CFH: variants seen among roughly 807,000 people sequenced by gnomAD.
CFH encodes H factor 1 (complement).
CFH carries 53 observed loss-of-function variants against 147.3 expected under a neutral mutation model. That is an observed-to-expected ratio of 0.36 (90% CI 0.29 to 0.45). The LOEUF (loss-of-function observed/expected upper bound fraction) is 0.45, where lower values mean the gene tolerates loss of function less well. Ranked by LOEUF, CFH falls within the 20% of genes least tolerant of loss-of-function variation. The pLI, the probability that CFH is intolerant of heterozygous loss-of-function variation, is 1.00. For missense variants in CFH, 1,380 were observed against 1,498.0 expected, an observed-to-expected ratio of 0.92 and a Z score of 1.30; for synonymous variants, 536 against 489.4, an observed-to-expected ratio of 1.10 and a Z score of -1.26.
At chr1:196,703,135 G>C (rs1668502392) in intron 9 of CFH, among the ~76,000 whole-genome samples, 1 of 152,260 alleles carries the variant, frequency 6.6e-6, no homozygotes, top group South Asian at 2.1e-4. Flanking sequence ...TAAAACACAA[G>C]GAATAATGAA....
chr1:196,726,399 T>C, intron 12 of CFH, 71 bp from the exon 13 acceptor site: 4 of 1,190,882 alleles, frequency 3.4e-6, no homozygotes, highest in Non-Finnish European at 4.9e-6. Context: ...AGAAAATCTT[T>C]CCATTTTACT....
chr1:196,722,524 C>T (rs888320044), intron 11 of CFH, among the ~76,000 whole-genome samples: 4 of 151,952 alleles, frequency 2.6e-5, no homozygotes, highest in African/African-American at 9.7e-5. Flanking sequence ...ATAATTTTTC[C>T]CGTTCACATT....
intron 15 of CFH, among the ~76,000 whole-genome samples, chr1:196,733,190 A>C (rs999508036): frequency 1.3e-5 from 2 of 151,912 alleles, no homozygotes; most frequent in African/African-American, 4.8e-5. Context: ...TGGCTGCGGG[A>C]AGATTATTTT....
At chr1:196,729,118 A>G (rs533700738) in intron 15 of CFH, among the ~76,000 whole-genome samples, 1 of 152,088 alleles carries the variant, frequency 6.6e-6, no homozygotes, top group African/African-American at 2.4e-5. Context: ...TTGCTATCCA[A>G]TTGTGGGTTT....
At chr1:196,652,326 A>T (rs1666528793) in intron 1 of CFH, 151 bp downstream of exon 1, 2 of 602,438 alleles carry the variant, frequency 3.3e-6, no homozygotes, top group South Asian at 2.1e-5. Flanking sequence ...TGTTGAGTTT[A>T]AAAAATGTAA....
At chr1:196,686,357 A>G (rs1422407017) in intron 7 of CFH, among the ~76,000 whole-genome samples, 1 of 152,002 alleles carries the variant, frequency 6.6e-6, no homozygotes, top group East Asian at 1.9e-4. Context: ...GTGTTGAAGG[A>G]CTCCAAGTCT....
rs769651860 is a variant in CFH, at chr1:196,747,323, T to G, written c.*10T>G. On this transcript the variant is annotated 3_prime_UTR_variant, in exon 22 of 22. Coordinates refer to ENST00000367429, the MANE Select transcript of CFH (RefSeq NM_000186.4). Reference sequence around the variant, plus strand: ...TTGTGCAAAAAGATAGAATCAATCATAAAGTGCACACCTTTATTCAGAACT... The same window carrying G: ...TTGTGCAAAAAGATAGAATCAATCAGAAAGTGCACACCTTTATTCAGAACT... 5.6e-6 allele frequency: 9 copies of G among 1,613,956 alleles called. No individual in the cohort carries two copies. The Admixed American group carries it at 1.3e-4, about 24-fold the overall frequency.
chr1:196,692,901 C>CCTTCCTTCCTTCCTTCCTTCCTTCCTT (rs80287404), intron 9 of CFH, among the ~76,000 whole-genome samples: 13 of 70,722 alleles, frequency 1.8e-4, no homozygotes, highest in African/African-American at 1.5e-4. Flanking sequence ...CTCCCTCCCT[C>CCTTCCTTCCTTCCTTCCTTCCTTCCTT]CCTTCCTTCC....
chr1:196,735,131 G>C (rs939573637), intron 15 of CFH, among the ~76,000 whole-genome samples: 1 of 152,154 alleles, frequency 6.6e-6, no homozygotes, highest in African/African-American at 2.4e-5. Flanking sequence ...GGGAGACAGA[G>C]AGAGAGAGTT....
intron 6 of CFH, 75 bp downstream of exon 6, chr1:196,679,868 T>G (rs972178413): frequency 1.4e-5 from 19 of 1,316,482 alleles, no homozygotes; most frequent in Non-Finnish European, 1.7e-5. Context: ...TAAATCCACT[T>G]ATTTTAATCA....
chr1:196,733,109 TGGTCCA>T (rs923233154), intron 15 of CFH, among the ~76,000 whole-genome samples: 8 of 152,050 alleles, frequency 5.3e-5, no homozygotes, highest in African/African-American at 1.9e-4. Flanking sequence ...TGGCTAAACT[TGGTCCA>T]GGAAGAATGG....
intron 9 of CFH, among the ~76,000 whole-genome samples, chr1:196,707,723 T>C (rs1230725525): frequency 6.6e-6 from 1 of 152,228 alleles, no homozygotes; most frequent in Non-Finnish European, 1.5e-5. Flanking sequence ...AGTAAATCTT[T>C]GATGGGCCTC....
At chr1:196,652,306 C>T in intron 1 of CFH, 131 bp downstream of exon 1, 1 of 672,756 alleles carries the variant, frequency 1.5e-6, no homozygotes, top group South Asian at 1.8e-5. Flanking sequence ...AATTGAGTGG[C>T]TTTTGACATT....
At chr1:196,708,540 G>A (rs1255587244) in intron 9 of CFH, among the ~76,000 whole-genome samples, 1 of 152,044 alleles carries the variant, frequency 6.6e-6, no homozygotes, top group East Asian at 1.9e-4. Flanking sequence ...TTACAGTGGG[G>A]AATATCACAC....
intron 10 of CFH, among the ~76,000 whole-genome samples, chr1:196,714,664 TATATAGAGAGAGAGAGAGAG>T (rs1486380626): frequency 0.022 from 679 of 31,574 alleles, 2 homozygotes; most frequent in East Asian, 0.085. Flanking sequence ...TATATATATA[TATATAGAGAGAGAGAGAGAG>T]AGAGAGAGAG....
chr1:196,677,964 A>T (rs907622905), intron 5 of CFH: 1 of 377,780 alleles, frequency 2.6e-6, no homozygotes, highest in Non-Finnish European at 5.1e-6. Flanking sequence ...TAGGATTTAA[A>T]TGTAGGTTAT....
intron 9 of CFH, among the ~76,000 whole-genome samples, chr1:196,712,372 T>C (rs1668742205): frequency 2.0e-5 from 3 of 151,334 alleles, no homozygotes; most frequent in Admixed American, 6.6e-5. Context: ...TTATTATAAA[T>C]AATAATTTAT....
At chr1:196,709,794 G>GAA (rs560484060) in intron 9 of CFH, among the ~76,000 whole-genome samples, 4 of 150,552 alleles carry the variant, frequency 2.7e-5, no homozygotes, top group African/African-American at 9.8e-5. Flanking sequence ...TTCTGCATAT[G>GAA]AAAAAAAAAC....
At chr1:196,743,813 A>G (rs1652903013) in intron 20 of CFH, among the ~76,000 whole-genome samples, 185 bp downstream of exon 20, 1 of 152,164 alleles carries the variant, frequency 6.6e-6, no homozygotes, top group African/African-American at 2.4e-5. Context: ...TATTTTCCAG[A>G]AAGATTCGAC....
Sources: gnomAD v4.1 joint callset for allele counts (sites outside exome capture counted in the v4.1 genomes callset) on GRCh38, gnomAD v4.1.1 for gene constraint, MANE v1.5 for transcripts, NCBI Gene and HGNC (gene_info 2026-07-23, HGNC 2026-07-21) for gene names.